The following ACBD3 variants were observed in gnomAD, a reference collection of about 807,000 sequenced individuals.
ACBD3 encodes acyl-CoA binding domain containing 3.
ACBD3 carries 30 observed loss-of-function variants against 66.9 expected under a neutral mutation model. The ratio of observed to expected loss-of-function variants is 0.45; its 90% CI spans 0.34 to 0.61. The LOEUF is 0.61. ACBD3 is among the 20% of genes least tolerant of loss of function. ACBD3 has a pLI of 0.02. For missense variants in ACBD3, 544 were observed against 664.5 expected (o/e 0.82, Z 1.99); for synonymous variants, 278 against 259.8 (o/e 1.07, Z -0.68).
At position 226,152,354 on chromosome 1, in the gene ACBD3, A is replaced by G. The variant is rs1432518767; in HGVS notation, c.1356T>C (p.Asp452=). ...AVSVHVSESS[D]DDEEEEENIG... ...TTCTACCTTCTTCCTCCTCGTCGTCATCGCTGGACTCACTGACATGCACGC... is the reference window on the plus strand; with the variant it reads ...TTCTACCTTCTTCCTCCTCGTCGTCGTCGCTGGACTCACTGACATGCACGC... The change falls in exon 7 of 8, where the codon GAT becomes GAC. Residue 452 remains aspartate (D), a synonymous_variant. Transcript: ENST00000366812. 2 of 1,614,138 alleles carry G rather than the reference A, an allele frequency of 1.2e-6. No homozygotes were observed. The highest frequency in any genetic ancestry group is 2.2e-5 in the East Asian group (1 of 44,880).
intron 7 of ACBD3, among the ~76,000 whole-genome samples, chr1:226,150,494 T>G (rs185967938): frequency 9.5e-4 from 144 of 152,292 alleles, no homozygotes; most frequent in Non-Finnish European, 1.4e-3. Flanking sequence ...TTCTCCTGCC[T>G]CAGCCTCCCG....
rs1252702168 is a variant in ACBD3, at chr1:226,159,193, T to C, written c.894A>G (p.Ala298=). The change falls in exon 5 of 8, where the codon GCA becomes GCG. Residue 298 remains alanine (A), a synonymous_variant. Coordinates refer to ENST00000366812, the MANE Select transcript of ACBD3 (RefSeq NM_022735.4). The part of the protein sequence containing the change: ...YMQQLYQVQL[A]QQQAALQKQQ... ...GGGTTGTCTATCGTACCTGTTGCTG[T>C]GCAAGCTGGACTTGATACAACTGCT... 6.2e-7 allele frequency: 1 copy of C among 1,614,178 alleles called. No individual in the cohort carries two copies. Among genetic ancestry groups the C allele is most frequent in the South Asian group, 1.1e-5 (1 of 91,080 alleles).
intron 1 of ACBD3, among the ~76,000 whole-genome samples, chr1:226,176,543 G>A (rs993149558): frequency 1.3e-5 from 2 of 151,956 alleles, no homozygotes; most frequent in Middle Eastern, 3.4e-3. Flanking sequence ...CGGTAACAGT[G>A]TGTGTGTGGT....
chr1:226,185,525 T>C (rs1656278184), intron 1 of ACBD3, among the ~76,000 whole-genome samples: 1 of 152,094 alleles, frequency 6.6e-6, no homozygotes, highest in African/African-American at 2.4e-5. Flanking sequence ...CTAAGTATCT[T>C]TAAGAATCAA....
At position 226,175,020 on chromosome 1, in the gene ACBD3, G is replaced by A. The variant is rs558907722; in HGVS notation, c.287-9020C>T. On this transcript the variant is annotated intron_variant, in intron 1 of 7. Coordinates refer to ENST00000366812, the MANE Select transcript of ACBD3 (RefSeq NM_022735.4). ...TGAGACAGGAGAATCGCTTGAACCT[G>A]GGAGGCGGAGGTTACAGTGAGCCGA... 5.6e-4 allele frequency among the ~76,000 whole-genome samples: 84 copies of A among 150,100 alleles called. No individual in the cohort carries two copies. The Middle Eastern group carries it at 0.01, about 18-fold the overall frequency.
Position 226,149,529 on chromosome 1 carries a change from CTTTTTTTTTTTTTT to C in ACBD3, c.1376-2722_1376-2709del, listed in dbSNP as rs1170130229. Among the ~76,000 whole-genome samples, 17 of 29,612 alleles carry C rather than the reference CTTTTTTTTTTTTTT, an allele frequency of 5.7e-4. 1 individual carries two copies. Among genetic ancestry groups the C allele is most frequent in the Middle Eastern group, 0.045 (1 of 22 alleles). 19.4% of individuals were successfully genotyped at this position (29,612 alleles called of 152,430 possible). A position where few individuals can be genotyped will look rare whatever the true frequency, so the allele number is the denominator to read the frequency against. ...GGTGTCAGCCACTGCGCCCAGCCAT[CTTTTTTTTTTTTTT>C]TTTTTTTTTTTTTTTGAGATGGGGT... On this transcript the variant is annotated intron_variant, in intron 7 of 7. Transcript: ENST00000366812.
intron 1 of ACBD3, among the ~76,000 whole-genome samples, chr1:226,173,877 C>A (rs1655943505): frequency 6.7e-6 from 1 of 149,312 alleles, no homozygotes. Context: ...TCTCCTGCCT[C>A]AGCCTCCCCA....
chr1:226,155,840 G>A (rs949566503), intron 5 of ACBD3, among the ~76,000 whole-genome samples: 3 of 152,188 alleles, frequency 2.0e-5, no homozygotes, highest in African/African-American at 7.2e-5. Context: ...ATGAAAATTT[G>A]TCACTGTTTA....
At chr1:226,169,859 T>C (rs1311263370) in intron 1 of ACBD3, among the ~76,000 whole-genome samples, 2 of 151,534 alleles carry the variant, frequency 1.3e-5, no homozygotes, top group South Asian at 2.1e-4. Flanking sequence ...CTCTCTCTAC[T>C]AAAAATACAA....
chr1:226,152,280 C>T, intron 7 of ACBD3, 55 bp downstream of exon 7: 1 of 1,589,834 alleles, frequency 6.3e-7, no homozygotes, highest in Admixed American at 1.7e-5. Context: ...GAACTATGTA[C>T]CATTTCTGCC....
chr1:226,184,130 G>A (rs1016138033), intron 1 of ACBD3, among the ~76,000 whole-genome samples: 1 of 152,134 alleles, frequency 6.6e-6, no homozygotes, highest in Non-Finnish European at 1.5e-5. Flanking sequence ...GGTGGAGCTT[G>A]CAGTGAGCCC....
intron 3 of ACBD3, among the ~76,000 whole-genome samples, chr1:226,163,511 A>G (rs1033573685): frequency 6.6e-6 from 1 of 152,078 alleles, no homozygotes; most frequent in South Asian, 2.1e-4. Flanking sequence ...AAAAAAAAAA[A>G]TTTCTTTGGA....
At position 226,183,142 on chromosome 1, in the gene ACBD3, C is replaced by CCA. The variant is rs1303496658; in HGVS notation, c.286+3246_286+3247dup. The stretch of plus-strand genomic sequence containing the variant: ...CATGCTTTCAAGATTCGTATTTATT[C>CCA]CACAGTGGAAGAGAAAATGTAATGT... On this transcript the variant is annotated intron_variant, in intron 1 of 7. Coordinates refer to ENST00000366812, the MANE Select transcript of ACBD3 (RefSeq NM_022735.4). 2.0e-5 allele frequency among the ~76,000 whole-genome samples: 3 copies of CCA among 152,172 alleles called. No individual in the cohort carries two copies. The South Asian group carries it at 6.2e-4, about 32-fold the overall frequency.
chr1:226,160,005 C>T (rs1367119794), intron 4 of ACBD3, among the ~76,000 whole-genome samples: 1 of 151,996 alleles, frequency 6.6e-6, no homozygotes, highest in African/African-American at 2.4e-5. Flanking sequence ...TAATTTAAAG[C>T]CTGTCTTAAT....
chr1:226,164,530 T>C (rs1341097374), intron 3 of ACBD3, among the ~76,000 whole-genome samples: 1 of 152,062 alleles, frequency 6.6e-6, no homozygotes, highest in African/African-American at 2.4e-5. Context: ...CTTAGTGTAA[T>C]AAAACAAAAG....
intron 3 of ACBD3, among the ~76,000 whole-genome samples, chr1:226,164,388 T>C (rs193200374): frequency 1.6e-4 from 24 of 152,136 alleles, no homozygotes; most frequent in African/African-American, 5.3e-4. Context: ...CTATATAAGG[T>C]AGCATAGTTG....
At chr1:226,168,905 C>T (rs2102784576) in intron 1 of ACBD3, among the ~76,000 whole-genome samples, 1 of 152,344 alleles carries the variant, frequency 6.6e-6, no homozygotes, top group Non-Finnish European at 1.5e-5. Context: ...GTTGCCCAGG[C>T]TGGAGTGCAG....
chr1:226,148,024 C>G (rs1168117019), intron 7 of ACBD3: 1 of 152,118 alleles, frequency 6.6e-6, no homozygotes, highest in Non-Finnish European at 1.5e-5. Flanking sequence ...TGGCAACACA[C>G]TGAGTGATGC....
chr1:226,161,689 C>T lies in ACBD3; in HGVS notation c.570G>A (p.Arg190=), dbSNP rs777495147. 1.2e-5 allele frequency: 19 copies of T among 1,584,648 alleles called. No homozygotes were observed. In the Admixed American group the frequency reaches 3.1e-4, roughly 26 times the overall value. The change falls in exon 4 of 8, where the codon AGG becomes AGA. Residue 190 remains arginine (R), a splice_region_variant and synonymous_variant. Coordinates refer to ENST00000366812, the MANE Select transcript of ACBD3 (RefSeq NM_022735.4). ...GCCGCCTTCGCTCCTCTTCCTCCTT[C>T]CTACAAGGCAAAGATAGAGAATGAA... ...KIEKEEQEKK[R]KEEEERRRRE... is the part of the protein sequence containing the mutation.
Sources: gnomAD v4.1 joint callset for allele counts (sites outside exome capture counted in the v4.1 genomes callset) on GRCh38, gnomAD v4.1.1 for gene constraint, MANE v1.5 for transcripts, NCBI Gene and HGNC (gene_info 2026-07-23, HGNC 2026-07-21) for gene names.